PPP3CA: variants seen among roughly 807,000 people sequenced by gnomAD.
The protein encoded by PPP3CA is CAM-PRP catalytic subunit.
PPP3CA carries 14 observed loss-of-function variants against 66.5 expected under a neutral mutation model. That is an observed-to-expected ratio of 0.21 (90% confidence interval 0.14 to 0.33). PPP3CA has a LOEUF of 0.33. Among genes scored for constraint, PPP3CA ranks in the 10% least tolerant of loss-of-function variants. PPP3CA has a pLI of 1.00. For synonymous variants in PPP3CA, 232 were observed against 226.2 expected, an observed-to-expected ratio of 1.03 and a Z score of -0.23; for missense variants, 317 against 639.5, an observed-to-expected ratio of 0.50 and a Z score of 5.44.
At chr4:101,076,274 A>T (rs1022654812) in intron 8 of PPP3CA, among the ~76,000 whole-genome samples, 1 of 151,466 alleles carries the variant, frequency 6.6e-6, no homozygotes, top group Admixed American at 6.6e-5. Flanking sequence ...TATTGATAGG[A>T]TACTTCTGGT....
At chr4:101,103,003 C>T (rs1231787090) in intron 3 of PPP3CA, among the ~76,000 whole-genome samples, 1 of 151,984 alleles carries the variant, frequency 6.6e-6, no homozygotes, top group East Asian at 1.9e-4. Flanking sequence ...ATGGAGCATC[C>T]TCTATTTTTA....
At chr4:101,202,829 T>C (rs2110197312) in intron 1 of PPP3CA, among the ~76,000 whole-genome samples, 1 of 152,320 alleles carries the variant, frequency 6.6e-6, no homozygotes, top group African/African-American at 2.4e-5. Context: ...TGGGTTTTTT[T>C]CCTGCTGCTA....
At chr4:101,338,555 T>G (rs1260521815) in intron 1 of PPP3CA, among the ~76,000 whole-genome samples, 2 of 152,228 alleles carry the variant, frequency 1.3e-5, no homozygotes, top group Non-Finnish European at 2.9e-5. Context: ...TCTCTAGGAC[T>G]TTCCACCTCC....
At chr4:101,223,861 A>T (rs910574051) in intron 1 of PPP3CA, among the ~76,000 whole-genome samples, 3 of 151,868 alleles carry the variant, frequency 2.0e-5, no homozygotes, top group African/African-American at 7.2e-5. Flanking sequence ...ATAAACTTCA[A>T]TATAAACATC....
chr4:101,109,843 T>C (rs1578456751), intron 2 of PPP3CA, among the ~76,000 whole-genome samples: 1 of 152,166 alleles, frequency 6.6e-6, no homozygotes, highest in East Asian at 1.9e-4. Context: ...AGAGCTATTT[T>C]GTCTCTTTTA....
Position 101,099,663 on chromosome 4 carries a change from A to C in PPP3CA, c.444T>G (p.Arg148=). 1 of 1,597,890 alleles carries C rather than the reference A, an allele frequency of 6.3e-7. No individual in the cohort carries two copies. Among genetic ancestry groups the C allele is most frequent in the Non-Finnish European group, 8.5e-7 (1 of 1,171,570 alleles). The part of the protein sequence containing the change: ...ILYPKTLFLL[R]GNHECRHLTE... The stretch of plus-strand genomic sequence containing the variant: ...TTAGATGTCTACATTCATGATTTCC[A>C]CGAAGTAAAAACAGTGTTTTGGGGT... Residue 148 remains arginine (R), a synonymous_variant, in exon 4 of 14, where the codon CGT becomes CGG. Coordinates refer to ENST00000394854, the MANE Select transcript of PPP3CA (RefSeq NM_000944.5).
intron 1 of PPP3CA, among the ~76,000 whole-genome samples, chr4:101,293,865 T>C (rs1011598298): frequency 3.9e-5 from 6 of 152,224 alleles, no homozygotes; most frequent in Non-Finnish European, 8.8e-5. Context: ...TTATTTTTTT[T>C]CTCTATCTCT....
chr4:101,070,864 A>G (rs961635782), intron 8 of PPP3CA, among the ~76,000 whole-genome samples: 2 of 152,230 alleles, frequency 1.3e-5, no homozygotes, highest in Non-Finnish European at 2.9e-5. Flanking sequence ...ATCATTTCTA[A>G]CATTACAATT....
At chr4:101,163,437 G>A (rs1466704075) in intron 2 of PPP3CA, among the ~76,000 whole-genome samples, 1 of 152,086 alleles carries the variant, frequency 6.6e-6, no homozygotes, top group Non-Finnish European at 1.5e-5. Context: ...TCAAAGTTGT[G>A]GTATTTTTAA....
At chr4:101,074,724 GA>G (rs1428339009) in intron 8 of PPP3CA, among the ~76,000 whole-genome samples, 15 of 152,114 alleles carry the variant, frequency 9.9e-5, no homozygotes, top group African/African-American at 3.6e-4. Flanking sequence ...TGAGGATATG[GA>G]AAACATCAAG....
chr4:101,027,124 C>T (rs1726693192), intron 13 of PPP3CA, among the ~76,000 whole-genome samples: 1 of 152,160 alleles, frequency 6.6e-6, no homozygotes. Flanking sequence ...GAACCAATGA[C>T]ATCAGTTTGC....
chr4:101,222,154 G>A (rs1251454708), intron 1 of PPP3CA, among the ~76,000 whole-genome samples: 1 of 151,438 alleles, frequency 6.6e-6, no homozygotes, highest in Non-Finnish European at 1.5e-5. Flanking sequence ...AAGACCACTG[G>A]AAAAATCACT....
intron 10 of PPP3CA, among the ~76,000 whole-genome samples, chr4:101,050,001 G>T (rs2732496): frequency 0.47 from 71,220 of 151,786 alleles, 17,628 homozygotes; most frequent in East Asian, 0.87. Flanking sequence ...TTACTTCGTG[G>T]GAGATGTAGT....
chr4:101,151,792 G>A (rs1723149891), intron 2 of PPP3CA, among the ~76,000 whole-genome samples: 1 of 150,722 alleles, frequency 6.6e-6, no homozygotes, highest in Admixed American at 6.6e-5. Flanking sequence ...GAGTAGCTGG[G>A]ACTACAGGAG....
At chr4:101,153,080 A>C (rs1276123852) in intron 2 of PPP3CA, among the ~76,000 whole-genome samples, 1 of 152,126 alleles carries the variant, frequency 6.6e-6, no homozygotes, top group East Asian at 1.9e-4. Context: ...AGGCTGGAGA[A>C]GAAAGCAGAA....
intron 2 of PPP3CA, among the ~76,000 whole-genome samples, chr4:101,131,478 C>T (rs1445617820): frequency 1.4e-5 from 2 of 147,736 alleles, no homozygotes; most frequent in African/African-American, 5.0e-5. Context: ...AGACTTTAAA[C>T]CAACAAAGAT....
At chr4:101,345,506 C>T (rs1015049798) in intron 1 of PPP3CA, among the ~76,000 whole-genome samples, 9 of 152,196 alleles carry the variant, frequency 5.9e-5, no homozygotes, top group African/African-American at 1.9e-4. Flanking sequence ...GTGCTGTTTC[C>T]AATTTCAGAG....
At chr4:101,160,311 AAC>A (rs1723462277) in intron 2 of PPP3CA, among the ~76,000 whole-genome samples, 2 of 152,128 alleles carry the variant, frequency 1.3e-5, no homozygotes, top group Non-Finnish European at 2.9e-5. Context: ...AGTCCTTACC[AAC>A]ACAGTTTGGC....
At chr4:101,109,322 A>G (rs1721576440) in intron 2 of PPP3CA, among the ~76,000 whole-genome samples, 1 of 150,874 alleles carries the variant, frequency 6.6e-6, no homozygotes, top group African/African-American at 2.4e-5. Flanking sequence ...AAAAAAAAAA[A>G]AAAAAAAAAG....
Sources: gnomAD v4.1 joint callset for allele counts (sites outside exome capture counted in the v4.1 genomes callset) on GRCh38, gnomAD v4.1.1 for gene constraint, MANE v1.5 for transcripts, NCBI Gene and HGNC (gene_info 2026-07-23, HGNC 2026-07-21) for gene names.